Variants in ZNF891 observed in about 807,000 individuals in gnomAD.
ZNF891 encodes the protein zinc finger protein 891, also known as hCG1646157.
For missense variants in ZNF891, 589 were observed against 632.7 expected, an observed-to-expected ratio of 0.93 and a Z score of 0.74; for synonymous variants, 199 against 209.0, an observed-to-expected ratio of 0.95 and a Z score of 0.41.
intron 1 of ZNF891, among the ~76,000 whole-genome samples, chr12:133,125,066 T>C (rs11833220): frequency 9.8e-4 from 149 of 152,270 alleles, no homozygotes; most frequent in African/African-American, 3.3e-3. Flanking sequence ...GGAAAAACCA[T>C]ACAGACTTCA....
rs753721098 is a variant in ZNF891 at position 133,120,325 on chromosome 12, T to G, written c.1594A>C (p.Ile532Leu). The change falls in exon 2 of 2, where the codon ATT becomes CTT. Residue 532 changes from isoleucine to leucine, a missense_variant. Transcript: ENST00000537226. ...TCAGTATGAATTCTCTTGTGTATAA[T>G]AAGTGAAGAGCTCTGACTGAAGGCT... ...GKAFSQSSSL[I>L]IHKRIHTERE... 6.4e-7 allele frequency: 1 copy of G among 1,558,434 alleles called. No individual in the cohort carries two copies. Among genetic ancestry groups the G allele is most frequent in the East Asian group, 2.4e-5 (1 of 42,012 alleles).
chr12:133,105,550 A>C lies in ZNF891; in HGVS notation c.*14734T>G. ...GTGAGATCAAAGACTTTTCACCAAA[A>C]AATGTCATTTATGATGACTCATCCC... On this transcript the variant is annotated 3_prime_UTR_variant, in exon 2 of 2. Transcript: ENST00000537226. 1 of 1,610,392 alleles carries C rather than the reference A, an allele frequency of 6.2e-7. No individual in the cohort carries two copies. The highest frequency in any genetic ancestry group is 8.5e-7 in the Non-Finnish European group (1 of 1,178,906).
chr12:133,118,372 C>A lies in ZNF891; in HGVS notation c.*1912G>T, dbSNP rs1170349182. The stretch of plus-strand genomic sequence containing the variant: ...GGGTAGGTGGCAGACCTTCCCTTTT[C>A]ATTCTTACTCACCTTCCAAAGCCTG... On this transcript the variant is annotated 3_prime_UTR_variant, in exon 2 of 2. Coordinates refer to ENST00000537226, the MANE Select transcript of ZNF891 (RefSeq NM_001277291.2). 6.6e-6 allele frequency: 1 copy of A among 152,144 alleles called. No homozygotes were observed. The highest frequency in any genetic ancestry group is 1.5e-5 in the Non-Finnish European group (1 of 68,042). The allele number at this position is 152,144 out of a possible 1,614,324, so 9.4% of individuals were successfully genotyped here.
chr12:133,127,789 G>A (rs1010788190), intron 1 of ZNF891, among the ~76,000 whole-genome samples: 2 of 152,176 alleles, frequency 1.3e-5, no homozygotes, highest in East Asian at 3.8e-4. Context: ...TACATTGCAG[G>A]GGGATGTCCA....
chr12:133,120,277 A>AT lies in ZNF891; in HGVS notation c.*6dup. ...CAATGAAAACAGCAATTCCACATTC[A>AT]TAACACTTACAGGGTTTCTCTCTCA... On this transcript the variant is annotated 3_prime_UTR_variant, in exon 2 of 2. Transcript: ENST00000537226. 6.6e-7 allele frequency: 1 copy of AT among 1,519,750 alleles called. No homozygotes were observed. Among genetic ancestry groups the AT allele is most frequent in the South Asian group, 1.2e-5 (1 of 82,044 alleles). 94.1% of individuals were successfully genotyped at this position (1,519,750 alleles called of 1,614,324 possible). A position where few individuals can be genotyped will look rare whatever the true frequency, so the allele number is the denominator to read the frequency against.
In ZNF891 at chr12:133,120,264, C is replaced by G. The variant is rs1401894841; in HGVS notation, c.*20G>C. 6.7e-7 allele frequency: 1 copy of G among 1,500,102 alleles called. No homozygotes were observed. The highest frequency in any genetic ancestry group is 1.4e-5 in the African/African-American group (1 of 71,800). The allele number at this position is 1,500,102 out of a possible 1,614,324, so 92.9% of individuals were successfully genotyped here. On this transcript the variant is annotated 3_prime_UTR_variant, in exon 2 of 2. Transcript: ENST00000537226. ...ATCCACCTTAAGACAATGAAAACAG[C>G]AATTCCACATTCATAACACTTACAG...
Position 133,107,638 on chromosome 12 carries a change from T to C in ZNF891, c.*12646A>G, listed in dbSNP as rs1411289610. 1.3e-5 allele frequency: 2 copies of C among 152,254 alleles called. No individual in the cohort carries two copies. The highest frequency in any genetic ancestry group is 2.1e-4 in the South Asian group (1 of 4,828). The allele number at this position is 152,254 out of a possible 1,614,324, so 9.4% of individuals were successfully genotyped here. A position where few individuals can be genotyped will look rare whatever the true frequency, so the allele number is the denominator to read the frequency against. ...TGAATCTGACTATAGACATTTGTTATTCAGTGTGAAACAAATATAAGATAC... is the reference window on the plus strand; with the variant it reads ...TGAATCTGACTATAGACATTTGTTACTCAGTGTGAAACAAATATAAGATAC... On this transcript the variant is annotated 3_prime_UTR_variant, in exon 2 of 2. Coordinates refer to ENST00000537226, the MANE Select transcript of ZNF891 (RefSeq NM_001277291.2).
At chr12:133,124,960 G>C (rs1955800393) in intron 1 of ZNF891, among the ~76,000 whole-genome samples, 1 of 151,598 alleles carries the variant, frequency 6.6e-6, no homozygotes, top group Admixed American at 6.6e-5. Context: ...GTAAGAAACA[G>C]AAAACAACAA....
chr12:133,113,078 A>T lies in ZNF891; in HGVS notation c.*7206T>A, dbSNP rs552738454. On this transcript the variant is annotated 3_prime_UTR_variant, in exon 2 of 2. Transcript: ENST00000537226. ...TGTCTCAAAAAATATATATATATAT[A>T]TTTATATTTATTTATTAAAAATATA... 6.9e-6 allele frequency: 1 copy of T among 145,414 alleles called. No individual in the cohort carries two copies. Among genetic ancestry groups the T allele is most frequent in the African/African-American group, 2.6e-5 (1 of 39,102 alleles). The allele number at this position is 145,414 out of a possible 1,614,324, so 9.0% of individuals were successfully genotyped here.
chr12:133,106,511 C>T lies in ZNF891; in HGVS notation c.*13773G>A, dbSNP rs535199777. ...TCAGAGAACTCATACTGGAGAGAAACCCTATGTATGTAAGGTATGCAACAA... is the reference window on the plus strand; with the variant it reads ...TCAGAGAACTCATACTGGAGAGAAATCCTATGTATGTAAGGTATGCAACAA... On this transcript the variant is annotated 3_prime_UTR_variant, in exon 2 of 2. Coordinates refer to ENST00000537226, the MANE Select transcript of ZNF891 (RefSeq NM_001277291.2). The T allele has an allele frequency of 1.9e-6, 3 of 1,614,072 alleles. No homozygotes were observed. Among genetic ancestry groups the T allele is most frequent in the South Asian group, 1.1e-5 (1 of 91,084 alleles).
At position 133,110,648 on chromosome 12, in the gene ZNF891, A is replaced by G. The variant is rs954632666; in HGVS notation, c.*9636T>C. ...CAAAAGAATTTTCTATCATACATCA[A>G]TGTATGTAAGGCAGGGGGCTAAGTG... On this transcript the variant is annotated 3_prime_UTR_variant, in exon 2 of 2. Transcript: ENST00000537226. The G allele has an allele frequency of 6.6e-6, 1 of 152,224 alleles. No individual in the cohort carries two copies. Among genetic ancestry groups the G allele is most frequent in the Non-Finnish European group, 1.5e-5 (1 of 68,042 alleles). The allele number at this position is 152,224 out of a possible 1,614,324, so 9.4% of individuals were successfully genotyped here.
Position 133,106,778 on chromosome 12 carries a change from C to A in ZNF891, c.*13506G>T. The A allele has an allele frequency of 2.5e-6, 2 of 786,574 alleles. No individual in the cohort carries two copies. Among genetic ancestry groups the A allele is most frequent in the South Asian group, 2.6e-5 (1 of 38,664 alleles). 48.7% of individuals were successfully genotyped at this position (786,574 alleles called of 1,614,324 possible). ...GATGACTGTGAAGTAATATGGCCCA[C>A]ACTTTATTCACCACCCTGGAGAAAA... On this transcript the variant is annotated 3_prime_UTR_variant, in exon 2 of 2. Transcript: ENST00000537226.
intron 1 of ZNF891, chr12:133,122,230 G>T: frequency 9.6e-7 from 1 of 1,046,712 alleles, no homozygotes; most frequent in Non-Finnish European, 1.2e-6. Flanking sequence ...TCTTTGTACT[G>T]GCTTCTCCTG....
rs2137608362 is a variant in ZNF891, at chr12:133,110,669, A to G, written c.*9615T>C. On this transcript the variant is annotated 3_prime_UTR_variant, in exon 2 of 2. Transcript: ENST00000537226. ...ATCAATGTATGTAAGGCAGGGGGCT[A>G]AGTGACTTGTGCCTGTAATCCCAGC... 6.6e-6 allele frequency: 1 copy of G among 152,368 alleles called. No homozygotes were observed. Among genetic ancestry groups the G allele is most frequent in the Admixed American group, 6.5e-5 (1 of 15,300 alleles). The allele number at this position is 152,368 out of a possible 1,614,324, so 9.4% of individuals were successfully genotyped here.
rs925193507 is a variant in ZNF891 at position 133,106,704 on chromosome 12, A to G, written c.*13580T>C. On this transcript the variant is annotated 3_prime_UTR_variant, in exon 2 of 2. Coordinates refer to ENST00000537226, the MANE Select transcript of ZNF891 (RefSeq NM_001277291.2). ...TGTATGGAATTTTTTAAAAAGAAGTATAATGCCTTACTTCAGAGAACTCTT... is the reference window on the plus strand; with the variant it reads ...TGTATGGAATTTTTTAAAAAGAAGTGTAATGCCTTACTTCAGAGAACTCTT... The G allele has an allele frequency of 4.2e-6, 6 of 1,445,582 alleles. No individual in the cohort carries two copies. Among genetic ancestry groups the G allele is most frequent in the African/African-American group, 1.4e-5 (1 of 70,536 alleles). The allele number at this position is 1,445,582 out of a possible 1,614,324, so 89.5% of individuals were successfully genotyped here.
rs1955713600 is a variant in ZNF891 at position 133,116,073 on chromosome 12, CCTT to C, written c.*4208_*4210del. Reference sequence around the variant, plus strand: ...AAAGTACAATCCCTTGCTGAGTACTCCTTAAGATGATCTCACCCAAGGACCACA... The same window carrying C: ...AAAGTACAATCCCTTGCTGAGTACTCAAGATGATCTCACCCAAGGACCACA... On this transcript the variant is annotated 3_prime_UTR_variant, in exon 2 of 2. Transcript: ENST00000537226. 1 of 152,146 alleles carries C rather than the reference CCTT, an allele frequency of 6.6e-6. No homozygotes were observed. Among genetic ancestry groups the C allele is most frequent in the South Asian group, 2.1e-4 (1 of 4,824 alleles). 9.4% of individuals were successfully genotyped at this position (152,146 alleles called of 1,614,324 possible). A position where few individuals can be genotyped will look rare whatever the true frequency, so the allele number is the denominator to read the frequency against.
rs1369761634 is a variant in ZNF891 at position 133,110,266 on chromosome 12, A to G, written c.*10018T>C. 1 of 152,208 alleles carries G rather than the reference A, an allele frequency of 6.6e-6. No homozygotes were observed. Among genetic ancestry groups the G allele is most frequent in the Non-Finnish European group, 1.5e-5 (1 of 68,024 alleles). 9.4% of individuals were successfully genotyped at this position (152,208 alleles called of 1,614,324 possible). ...TAAAAGATGAGTCTAGGAATATTGC[A>G]AAAGTAGTAAAAGTATTAATTTGGC... is the stretch of plus-strand genomic sequence containing the variant. On this transcript the variant is annotated 3_prime_UTR_variant, in exon 2 of 2. Transcript: ENST00000537226.
rs1235661277 is a variant in ZNF891 at position 133,121,237 on chromosome 12, G to A, written c.682C>T (p.His228Tyr). The A allele has an allele frequency of 6.5e-7, 1 of 1,535,394 alleles. No individual in the cohort carries two copies. Among genetic ancestry groups the A allele is most frequent in the Admixed American group, 2.0e-5 (1 of 50,974 alleles). The change falls in exon 2 of 2, where the codon CAC becomes TAC. Residue 228 changes from histidine to tyrosine, a missense_variant. Coordinates refer to ENST00000537226, the MANE Select transcript of ZNF891 (RefSeq NM_001277291.2). ...KCYSEIGCLK[H>Y]NSIINNYVKN... ...ACATAATTGTTTATGATTGAATTGT[G>A]TTTCAAACATCCAATCTCTGAGTAA...
rs201035536 is a variant in ZNF891, at chr12:133,105,482, C to A, written c.*14802G>T. On this transcript the variant is annotated 3_prime_UTR_variant, in exon 2 of 2. Coordinates refer to ENST00000537226, the MANE Select transcript of ZNF891 (RefSeq NM_001277291.2). ...TTTTATTCAATACAGGAAAAAGAAA[C>A]ATTCACTTTTTTTTTGGTATCTTTC... 1 of 1,538,218 alleles carries A rather than the reference C, an allele frequency of 6.5e-7. No homozygotes were observed. The highest frequency in any genetic ancestry group is 8.7e-7 in the Non-Finnish European group (1 of 1,145,508).
Sources: gnomAD v4.1 joint callset for allele counts (sites outside exome capture counted in the v4.1 genomes callset) on GRCh38, gnomAD v4.1.1 for gene constraint, MANE v1.5 for transcripts, NCBI Gene and HGNC (gene_info 2026-07-23, HGNC 2026-07-21) for gene names.